Variants in WDR62 observed in about 807,000 individuals in gnomAD.
WDR62 encodes the protein WD repeat-containing protein 62.
A neutral mutation model predicts 160.6 loss-of-function variants in WDR62; 112 were observed. The observed-to-expected ratio is 0.70, with a 90% CI of 0.60 to 0.82. The LOEUF is 0.82. Among genes scored for constraint, WDR62 ranks in the 40% least tolerant of loss-of-function variants. The pLI, the probability that WDR62 is intolerant of heterozygous loss-of-function variation, is 0.00. For synonymous variants in WDR62, 792 were observed against 815.1 expected, an observed-to-expected ratio of 0.97 and a Z score of 0.48; for missense variants, 1,819 against 1,983.8, an observed-to-expected ratio of 0.92 and a Z score of 1.58.
intron 8 of WDR62, among the ~76,000 whole-genome samples, chr19:36,072,095 A>G (rs1971331525): frequency 6.6e-6 from 1 of 152,230 alleles, no homozygotes; most frequent in South Asian, 2.1e-4. Flanking sequence ...ATTATAATGA[A>G]GCAGCAAAAT....
intron 12 of WDR62, 111 bp from the exon 13 acceptor site, chr19:36,086,576 G>A: frequency 7.2e-7 from 1 of 1,395,686 alleles, no homozygotes; most frequent in Non-Finnish European, 9.8e-7. Flanking sequence ...TACAGTTGAA[G>A]AACCAAAGAC....
At chr19:36,102,926 C>T (rs762332688) in intron 27 of WDR62, 22 bp from the exon 28 acceptor site, 5 of 1,614,038 alleles carry the variant, frequency 3.1e-6, no homozygotes, top group African/African-American at 2.7e-5. Context: ...GAGAATCATC[C>T]CCCCTGCTCT....
chr19:36,074,732 C>CT (rs1971486084), intron 9 of WDR62, among the ~76,000 whole-genome samples: 1 of 152,076 alleles, frequency 6.6e-6, no homozygotes, highest in Admixed American at 6.6e-5. Context: ...GTTGACAGCA[C>CT]TTTTTTTCCA....
At chr19:36,064,130 C>G (rs553644883) in intron 3 of WDR62, among the ~76,000 whole-genome samples, 10 of 152,326 alleles carry the variant, frequency 6.6e-5, no homozygotes, top group African/African-American at 2.4e-4. Flanking sequence ...GGCACAAGGT[C>G]AGGGCATGCG....
chr19:36,069,499 T>C (rs1971162635), intron 7 of WDR62, among the ~76,000 whole-genome samples: 1 of 150,298 alleles, frequency 6.7e-6, no homozygotes, highest in African/African-American at 2.5e-5. Context: ...CGCTCCTCAC[T>C]TCCCAGATTG....
At chr19:36,064,694 C>T (rs898309515) in intron 3 of WDR62, among the ~76,000 whole-genome samples, 2 of 152,218 alleles carry the variant, frequency 1.3e-5, no homozygotes, top group Admixed American at 1.3e-4. Flanking sequence ...TCTCCTGCCT[C>T]AGCCTCCCGA....
intron 5 of WDR62, among the ~76,000 whole-genome samples, chr19:36,066,704 A>ATAG (rs1970961982): frequency 6.6e-6 from 1 of 152,172 alleles, no homozygotes; most frequent in Non-Finnish European, 1.5e-5. Flanking sequence ...TTAGATGGAT[A>ATAG]TAGTAGTACT....
At position 36,094,011 on chromosome 19, in the gene WDR62, A is replaced by G. The variant is rs969649272; in HGVS notation, c.2334-20A>G. 2 of 1,613,134 alleles carry G rather than the reference A, an allele frequency of 1.2e-6. No homozygotes were observed. Among genetic ancestry groups the G allele is most frequent in the Non-Finnish European group, 1.7e-6 (2 of 1,179,812 alleles). ...CATTTGCCTGTATTCTCTCCTTACC[A>G]TCCTCATTCCTGGCTTTAGGCAGGA... On this transcript the variant is annotated intron_variant, in intron 19 of 31. Coordinates refer to ENST00000401500, the MANE Select transcript of WDR62 (RefSeq NM_001083961.2).
At chr19:36,080,409 C>T (rs1011502200) in intron 9 of WDR62, among the ~76,000 whole-genome samples, 11 of 151,700 alleles carry the variant, frequency 7.3e-5, no homozygotes, top group African/African-American at 2.4e-4. Flanking sequence ...CCACCATGCC[C>T]GGCCTATTTT....
In WDR62 at chr19:36,102,751, G is replaced by T; in HGVS notation, c.3235G>T (p.Ala1079Ser). ...TCTTCCCCTAGAGCTCTTCCCCGCA[G>T]CTCTGGGAGACGTGGAGGCCTCTGA... ...ESPCRELFPA[A>S]LGDVEASEAE... The change falls in exon 27 of 32, where the codon GCT (alanine) becomes TCT (serine). Residue 1079 changes from alanine (A) to serine (S), a missense_variant. Coordinates refer to ENST00000401500, the MANE Select transcript of WDR62 (RefSeq NM_001083961.2). 6.2e-7 allele frequency: 1 copy of T among 1,614,206 alleles called. No homozygotes were observed. Among genetic ancestry groups the T allele is most frequent in the Non-Finnish European group, 8.5e-7 (1 of 1,180,004 alleles).
At chr19:36,096,710 C>CAAAA in intron 20 of WDR62, among the ~76,000 whole-genome samples, 1 of 122,324 alleles carries the variant, frequency 8.2e-6, no homozygotes, top group South Asian at 2.5e-4. Context: ...GACTCCGTCT[C>CAAAA]AAAAAAAGAA....
Position 36,099,467 on chromosome 19 carries a change from C to T in WDR62, c.2589C>T (p.Arg863=). The T allele has an allele frequency of 1.2e-6, 2 of 1,613,936 alleles. No individual in the cohort carries two copies. Among genetic ancestry groups the T allele is most frequent in the Non-Finnish European group, 1.7e-6 (2 of 1,180,022 alleles). ...AGCGCAGCTACCAGCCCCACGGCCG[C>T]TGGGCAGAGCGGGCCGGCCAAGAGC... is the stretch of plus-strand genomic sequence containing the variant. ...HAKRSYQPHG[R]WAERAGQEPL... Residue 863 remains arginine, a synonymous_variant, in exon 22 of 32, where the codon CGC becomes CGT. Coordinates refer to ENST00000401500, the MANE Select transcript of WDR62 (RefSeq NM_001083961.2).
intron 4 of WDR62, 35 bp downstream of exon 4, chr19:36,066,050 G>T: frequency 1.2e-6 from 2 of 1,611,662 alleles, no homozygotes; most frequent in Non-Finnish European, 8.5e-7. Context: ...GGAGTCGGGG[G>T]CTGGGGGGTC....
rs35753706 is a variant in WDR62, at chr19:36,085,414, CTT to C, written c.1642+692_1642+693del. 3.6e-4 allele frequency among the ~76,000 whole-genome samples: 25 copies of C among 70,398 alleles called. 1 individual carries two copies. The highest frequency in any genetic ancestry group is 7.7e-4 in the East Asian group (1 of 1,292). The allele number at this position is 70,398 out of a possible 152,430, so 46.2% of individuals were successfully genotyped here. On this transcript the variant is annotated intron_variant, in intron 12 of 31. Coordinates refer to ENST00000401500, the MANE Select transcript of WDR62 (RefSeq NM_001083961.2). ...TAGGGCATGAGCCACCACACCTGACCTTTTTTTTTTTTTTTTTTTTTTTGAGA... is the reference window on the plus strand; with the variant it reads ...TAGGGCATGAGCCACCACACCTGACCTTTTTTTTTTTTTTTTTTTTTGAGA...
chr19:36,072,818 A>T (rs758428213), intron 8 of WDR62, among the ~76,000 whole-genome samples: 1 of 152,138 alleles, frequency 6.6e-6, no homozygotes, highest in South Asian at 2.1e-4. Flanking sequence ...CCGTTTTCTC[A>T]TGTGTAAAAT....
chr19:36,101,910 G>A (rs1353804633), intron 25 of WDR62, 104 bp from the exon 26 acceptor site: 2 of 1,576,262 alleles, frequency 1.3e-6, no homozygotes, highest in Non-Finnish European at 1.7e-6. Flanking sequence ...CAGCCTGCGG[G>A]CAACAGGGCA....
intron 1 of WDR62, among the ~76,000 whole-genome samples, chr19:36,055,936 AG>A (rs1257499536): frequency 6.6e-6 from 1 of 152,222 alleles, no homozygotes; most frequent in Non-Finnish European, 1.5e-5. Flanking sequence ...TGGGAGGCCA[AG>A]GTGGGCTGTT....
At chr19:36,100,912 G>A (rs755324953) in intron 23 of WDR62, 37 bp downstream of exon 23, 1 of 1,613,688 alleles carries the variant, frequency 6.2e-7, no homozygotes, top group Non-Finnish European at 8.5e-7. Flanking sequence ...CTTAGTTGGA[G>A]GAACCCCCAG....
rs1338946153 is a variant in WDR62 at position 36,092,136 on chromosome 19, CTG to C, written c.2211-549_2211-548del. On this transcript the variant is annotated intron_variant, in intron 18 of 31. Coordinates refer to ENST00000401500, the MANE Select transcript of WDR62 (RefSeq NM_001083961.2). ...GACCAGCCTGGTCAACATGGAGAAA[CTG>C]TGTCTCTACTAAAAATACAAAAATT... 4.6e-5 allele frequency among the ~76,000 whole-genome samples: 7 copies of C among 152,084 alleles called. No individual in the cohort carries two copies. The East Asian group carries it at 1.2e-3, about 25-fold the overall frequency.
Sources: allele counts gnomAD v4.1 joint callset (sites outside exome capture counted in the v4.1 genomes callset), GRCh38; gene constraint gnomAD v4.1.1; transcripts MANE v1.5; gene names NCBI Gene and HGNC (gene_info 2026-07-23, HGNC 2026-07-21).